PCDHGA12: variants seen among roughly 807,000 people sequenced by gnomAD.
PCDHGA12 encodes the protein protocadherin gamma subfamily A, 12.
PCDHGA12 carries 43 observed loss-of-function variants against 61.1 expected under a neutral mutation model. The observed-to-expected ratio is 0.70, with a 90% CI of 0.55 to 0.91. PCDHGA12 has a LOEUF of 0.91. Among genes scored for constraint, PCDHGA12 ranks in the 40% least tolerant of loss-of-function variants. The pLI is 0.00. For missense variants in PCDHGA12, 1,236 were observed against 1,227.7 expected, an observed-to-expected ratio of 1.01 and a Z score of -0.10; for synonymous variants, 520 against 542.9, an observed-to-expected ratio of 0.96 and a Z score of 0.59.
Position 141,485,267 on chromosome 5 carries a change from C to T in PCDHGA12, c.2425-9540C>T, listed in dbSNP as rs767229426. On this transcript the variant is annotated intron_variant, in intron 1 of 3. Transcript: ENST00000252085. This position sits in a 1 kb window ranked among gnomAD's most constrained non-coding sequence, Gnocchi z 5.7. ...CCTGGGTTACGTTTGTGGGCAGATC[C>T]GCTACCCGGTCCCAGAGGAGTCACA... is the stretch of plus-strand genomic sequence containing the variant. 6.2e-7 allele frequency: 1 copy of T among 1,614,088 alleles called. No homozygotes were observed. Among genetic ancestry groups the T allele is most frequent in the South Asian group, 1.1e-5 (1 of 91,082 alleles).
intron 1 of PCDHGA12, among the ~76,000 whole-genome samples, chr5:141,481,731 A>G (rs1339022274): frequency 6.6e-6 from 1 of 152,060 alleles, no homozygotes; most frequent in African/African-American, 2.4e-5. Context: ...AGGCGGGCGG[A>G]TCACGAGGTC....
chr5:141,452,459 C>T (rs545368648), intron 1 of PCDHGA12, among the ~76,000 whole-genome samples: 38 of 152,246 alleles, frequency 2.5e-4, no homozygotes, highest in Middle Eastern at 6.8e-3. Context: ...TGTCAGCAGA[C>T]GGAGCTAGGA....
rs1354360582 is a variant in PCDHGA12 at position 141,491,147 on chromosome 5, A to T, written c.2425-3660A>T. On this transcript the variant is annotated intron_variant, in intron 1 of 3. Transcript: ENST00000252085. The surrounding 1 kb of genome is among the most constrained non-coding windows in gnomAD (Gnocchi z 6.9). ...GTGCGCACAGCCCGGGCCTTACTGG[A>T]GGATGACTCTGACACCCAGCAGGTG... The T allele has an allele frequency of 1.9e-6, 3 of 1,613,980 alleles. No homozygotes were observed. The highest frequency in any genetic ancestry group is 2.5e-6 in the Non-Finnish European group (3 of 1,179,994).
intron 1 of PCDHGA12, among the ~76,000 whole-genome samples, chr5:141,452,909 T>C (rs1408054133): frequency 6.6e-6 from 1 of 152,232 alleles, no homozygotes; most frequent in Non-Finnish European, 1.5e-5. Flanking sequence ...GTTGGCATTA[T>C]ACAGTAAGAA....
rs2099405848 is a variant in PCDHGA12 at position 141,477,120 on chromosome 5, A to G, written c.2425-17687A>G. 2 of 1,614,118 alleles carry G rather than the reference A, an allele frequency of 1.2e-6. No homozygotes were observed. Among genetic ancestry groups the G allele is most frequent in the African/African-American group, 2.7e-5 (2 of 74,942 alleles). On this transcript the variant is annotated intron_variant, in intron 1 of 3. Transcript: ENST00000252085. This position sits in a 1 kb window ranked among gnomAD's most constrained non-coding sequence, Gnocchi z 4.9. ...AAGGGCGCCAATCCCGAAGGAGCAC[A>G]TTGCAAAGTGTTGGTGGAGGTTGTG...
chr5:141,495,870 CCT>C (rs1183994771), intron 2 of PCDHGA12, among the ~76,000 whole-genome samples: 2 of 152,100 alleles, frequency 1.3e-5, no homozygotes. Flanking sequence ...TTTCTGCTTT[CCT>C]CTCTGTTCTT....
chr5:141,435,906 A>C (rs1246100275), intron 1 of PCDHGA12, among the ~76,000 whole-genome samples: 1 of 152,182 alleles, frequency 6.6e-6, no homozygotes, highest in African/African-American at 2.4e-5. Context: ...AAAGACATCC[A>C]AGGGCTCTAA....
Position 141,486,487 on chromosome 5 carries a change from C to G in PCDHGA12, c.2425-8320C>G. The G allele has an allele frequency of 6.2e-7, 1 of 1,614,086 alleles. No homozygotes were observed. The highest frequency in any genetic ancestry group is 1.1e-5 in the South Asian group (1 of 91,074). ...CTGGGAACCCTCCTCTCAGTACCCA[C>G]AGAACTATTTTCCTCAATATTTCAG... On this transcript the variant is annotated intron_variant, in intron 1 of 3. Coordinates refer to ENST00000252085, the MANE Select transcript of PCDHGA12 (RefSeq NM_003735.3). This position sits in a 1 kb window ranked among gnomAD's most constrained non-coding sequence, Gnocchi z 5.0.
At position 141,487,905 on chromosome 5, in the gene PCDHGA12, G is replaced by A. The variant is rs1305989274; in HGVS notation, c.2425-6902G>A. The A allele has an allele frequency of 2.9e-6, 2 of 686,270 alleles. No individual in the cohort carries two copies. The highest frequency in any genetic ancestry group is 3.6e-5 in the African/African-American group (2 of 55,348). The allele number at this position is 686,270 out of a possible 1,614,324, so 42.5% of individuals were successfully genotyped here. ...GTGGAAGCATGATGATGGAATGTGG[G>A]AGCACAGGAGGCTACAGTGCACAGG... On this transcript the variant is annotated intron_variant, in intron 1 of 3. Coordinates refer to ENST00000252085, the MANE Select transcript of PCDHGA12 (RefSeq NM_003735.3). This position sits in a 1 kb window ranked among gnomAD's most constrained non-coding sequence, Gnocchi z 5.0.
chr5:141,458,990 C>T (rs2098958778), intron 1 of PCDHGA12, among the ~76,000 whole-genome samples: 1 of 152,212 alleles, frequency 6.6e-6, no homozygotes, highest in Non-Finnish European at 1.5e-5. Context: ...GCCTCACCCT[C>T]CCAAAGTGCT....
intron 1 of PCDHGA12, among the ~76,000 whole-genome samples, chr5:141,456,862 C>T (rs1385304686): frequency 6.6e-6 from 1 of 152,086 alleles, no homozygotes; most frequent in Non-Finnish European, 1.5e-5. Context: ...AATTGGGAGG[C>T]TGAGGCAGGA....
At position 141,477,067 on chromosome 5, in the gene PCDHGA12, C is replaced by G. The variant is rs370882752; in HGVS notation, c.2425-17740C>G. 5.6e-5 allele frequency: 91 copies of G among 1,614,116 alleles called. No individual in the cohort carries two copies. Among genetic ancestry groups the G allele is most frequent in the Non-Finnish European group, 7.7e-5 (91 of 1,180,042 alleles). ...GGCTGGACTTCGAGGACACCAAACT[C>G]CATGAGATTTACATCCAGGCCAAAG... On this transcript the variant is annotated intron_variant, in intron 1 of 3. Transcript: ENST00000252085. This position sits in a 1 kb window ranked among gnomAD's most constrained non-coding sequence, Gnocchi z 4.9.
intron 1 of PCDHGA12, among the ~76,000 whole-genome samples, chr5:141,438,587 C>CATAT (rs1372372472): frequency 2.7e-5 from 2 of 73,430 alleles, no homozygotes; most frequent in Non-Finnish European, 5.2e-5. Context: ...TACATACATA[C>CATAT]ATACATATAT....
chr5:141,438,658 G>GTA (rs2098048375), intron 1 of PCDHGA12, among the ~76,000 whole-genome samples: 7 of 77,996 alleles, frequency 9.0e-5, no homozygotes, highest in African/African-American at 1.9e-4. Flanking sequence ...ACACATATAT[G>GTA]TATATATATA....
At chr5:141,451,019 G>A (rs1348607593) in intron 1 of PCDHGA12, among the ~76,000 whole-genome samples, 7 of 151,274 alleles carry the variant, frequency 4.6e-5, no homozygotes, top group Admixed American at 2.0e-4. Context: ...TAGTAGAGAC[G>A]AGGTTTCACC....
At chr5:141,446,295 G>A (rs146503397) in intron 1 of PCDHGA12, among the ~76,000 whole-genome samples, 1 of 152,196 alleles carries the variant, frequency 6.6e-6, no homozygotes, top group Non-Finnish European at 1.5e-5. Flanking sequence ...TGGGGAGCAG[G>A]GATTAAGAGT....
chr5:141,453,317 G>A (rs1218359210), intron 1 of PCDHGA12, among the ~76,000 whole-genome samples: 1 of 151,178 alleles, frequency 6.6e-6, no homozygotes, highest in Non-Finnish European at 1.5e-5. Flanking sequence ...ATTTATTTTA[G>A]AGATGGGGTC....
At chr5:141,457,318 C>T (rs990268003) in intron 1 of PCDHGA12, among the ~76,000 whole-genome samples, 3 of 152,238 alleles carry the variant, frequency 2.0e-5, no homozygotes, top group South Asian at 2.1e-4. Context: ...AAGAAACCTC[C>T]GGGTTACAGG....
chr5:141,492,146 C>T (rs979485619), intron 1 of PCDHGA12, among the ~76,000 whole-genome samples: 3 of 152,242 alleles, frequency 2.0e-5, no homozygotes, highest in African/African-American at 4.8e-5. Flanking sequence ...TGTGACTTCA[C>T]TGTTACCCTC....
Sources: gnomAD v4.1 joint callset for allele counts (sites outside exome capture counted in the v4.1 genomes callset) on GRCh38, gnomAD v4.1.1 for gene constraint, Gnocchi (gnomAD v3.1) non-coding constraint, MANE v1.5 for transcripts, NCBI Gene and HGNC (gene_info 2026-07-23, HGNC 2026-07-21) for gene names.